Variants in CCSER1 observed in about 807,000 individuals in gnomAD.
CCSER1 encodes the protein coiled-coil serine rich protein 1, also known as serine-rich coiled-coil domain-containing protein 1.
CCSER1 carries 41 observed loss-of-function variants against 82.0 expected under a neutral mutation model. The observed-to-expected ratio is 0.50, with a 90% CI of 0.39 to 0.65. CCSER1 has a LOEUF of 0.65. Among genes scored for constraint, CCSER1 ranks in the 30% least tolerant of loss-of-function variants. The probability of loss-of-function intolerance (pLI) is 0.00; values close to 1 mark genes in which losing one functional copy is unlikely to be tolerated. For missense variants in CCSER1, 1,119 were observed against 1,064.2 expected (o/e 1.05, Z -0.72); for synonymous variants, 414 against 383.9 (o/e 1.08, Z -0.92).
chr4:91,092,006 C>T (rs939860415), intron 10 of CCSER1, among the ~76,000 whole-genome samples: 1 of 152,198 alleles, frequency 6.6e-6, no homozygotes, highest in South Asian at 2.1e-4. Context: ...TAGGAGGAGG[C>T]CTATGATATA....
At chr4:90,765,830 G>A (rs1042083391) in intron 7 of CCSER1, among the ~76,000 whole-genome samples, 1 of 152,112 alleles carries the variant, frequency 6.6e-6, no homozygotes, top group African/African-American at 2.4e-5. Flanking sequence ...GACCAAGAGA[G>A]GATAATATTG....
At chr4:90,987,609 A>G (rs1736677614) in intron 9 of CCSER1, among the ~76,000 whole-genome samples, 2 of 151,410 alleles carry the variant, frequency 1.3e-5, no homozygotes, top group Admixed American at 6.6e-5. Context: ...ATTTAGGAGG[A>G]AAAAAAATGA....
chr4:90,985,566 T>C (rs1666545034), intron 9 of CCSER1, among the ~76,000 whole-genome samples: 1 of 151,818 alleles, frequency 6.6e-6, no homozygotes, highest in African/African-American at 2.4e-5. Flanking sequence ...TCTTCAGCTC[T>C]GTTATCTGCC....
At chr4:91,285,683 C>G (rs752854381) in intron 10 of CCSER1, among the ~76,000 whole-genome samples, 1 of 151,790 alleles carries the variant, frequency 6.6e-6, no homozygotes. Context: ...AATATGCTGA[C>G]TTGGCACAGA....
intron 6 of CCSER1, among the ~76,000 whole-genome samples, chr4:90,709,890 C>T (rs1441303496): frequency 2.0e-5 from 3 of 151,634 alleles, no homozygotes; most frequent in Admixed American, 6.6e-5. Flanking sequence ...AACTAATTTA[C>T]ACTTCCACCA....
At chr4:90,563,365 CTCCCAAAGTG>C (rs1779007296) in intron 5 of CCSER1, among the ~76,000 whole-genome samples, 1 of 149,912 alleles carries the variant, frequency 6.7e-6, no homozygotes, top group African/African-American at 2.5e-5. Context: ...CCGCCTCAGG[CTCCCAAAGTG>C]CTGGGATTAC....
At chr4:91,044,759 A>G (rs1304528572) in intron 9 of CCSER1, among the ~76,000 whole-genome samples, 2 of 152,214 alleles carry the variant, frequency 1.3e-5, no homozygotes, top group Non-Finnish European at 2.9e-5. Context: ...TCACCAGGTT[A>G]GATCCACCTG....
chr4:90,217,304 C>A (rs1166558559), intron 1 of CCSER1, among the ~76,000 whole-genome samples: 1 of 152,134 alleles, frequency 6.6e-6, no homozygotes, highest in Non-Finnish European at 1.5e-5. Flanking sequence ...TCAAGTGATT[C>A]TCTTGCCTCA....
At chr4:90,780,649 G>A in intron 7 of CCSER1, 2 of 1,362,512 alleles carry the variant, frequency 1.5e-6, no homozygotes, top group Non-Finnish European at 1.9e-6. Context: ...TCATTCAAAT[G>A]ATTCTCTTAA....
At chr4:91,352,071 A>C (rs2149301110) in intron 10 of CCSER1, among the ~76,000 whole-genome samples, 1 of 152,328 alleles carries the variant, frequency 6.6e-6, no homozygotes. Flanking sequence ...GTGATAAAAT[A>C]AAAAGAGGCT....
chr4:90,261,598 G>A (rs1724345546), intron 1 of CCSER1, among the ~76,000 whole-genome samples: 1 of 152,112 alleles, frequency 6.6e-6, no homozygotes, highest in Non-Finnish European at 1.5e-5. Context: ...TTTTTGCAAT[G>A]AATTTCCCAG....
At chr4:90,648,911 G>A (rs892350014) in intron 6 of CCSER1, among the ~76,000 whole-genome samples, 2 of 152,078 alleles carry the variant, frequency 1.3e-5, no homozygotes, top group African/African-American at 2.4e-5. Context: ...ACTAATATAG[G>A]GAAGACAACC....
intron 8 of CCSER1, among the ~76,000 whole-genome samples, chr4:90,897,215 C>T (rs905702273): frequency 2.6e-5 from 4 of 151,822 alleles, no homozygotes; most frequent in Non-Finnish European, 5.9e-5. Context: ...GTTTGGGTTT[C>T]AAGGGAACCC....
chr4:90,803,370 C>CT (rs1757072594), intron 7 of CCSER1, among the ~76,000 whole-genome samples: 1 of 143,944 alleles, frequency 6.9e-6, no homozygotes, highest in South Asian at 2.3e-4. Flanking sequence ...TAGTCCCCCA[C>CT]CCCCTGACAG....
intron 9 of CCSER1, among the ~76,000 whole-genome samples, chr4:90,934,463 C>CA (rs34481410): frequency 0.42 from 63,708 of 151,764 alleles, 13,796 homozygotes; most frequent in African/African-American, 0.53. Context: ...TTCTTTTGCC[C>CA]CTGAAAAAGT....
chr4:90,306,413 T>C (rs899095959), intron 1 of CCSER1, among the ~76,000 whole-genome samples: 1 of 152,186 alleles, frequency 6.6e-6, no homozygotes, highest in South Asian at 2.1e-4. Context: ...TTTCATAATA[T>C]AAAAATATCA....
At chr4:90,465,362 C>T (rs1355403617) in intron 4 of CCSER1, among the ~76,000 whole-genome samples, 6 of 149,510 alleles carry the variant, frequency 4.0e-5, no homozygotes, top group Admixed American at 3.3e-4. Context: ...GCTCTGTCAC[C>T]CATACTGCAG....
intron 10 of CCSER1, among the ~76,000 whole-genome samples, chr4:91,301,730 T>G (rs955983422): frequency 5.3e-5 from 8 of 151,822 alleles, no homozygotes; most frequent in African/African-American, 1.5e-4. Context: ...AAGAATCATT[T>G]TAAAACAAAG....
At chr4:91,020,648 C>T (rs753305358) in intron 9 of CCSER1, among the ~76,000 whole-genome samples, 1 of 150,374 alleles carries the variant, frequency 6.7e-6, no homozygotes, top group South Asian at 2.1e-4. Context: ...GGTGACAGAG[C>T]GAGACTCCGT....
Sources: allele counts gnomAD v4.1 joint callset (sites outside exome capture counted in the v4.1 genomes callset), GRCh38; gene constraint gnomAD v4.1.1; transcripts MANE v1.5; gene names NCBI Gene and HGNC (gene_info 2026-07-23, HGNC 2026-07-21).